The following RYR1 variants were observed in gnomAD, a reference collection of about 807,000 sequenced individuals.
The protein encoded by RYR1 is ryanodine receptor 1, also known as central core disease of muscle.
A neutral mutation model predicts 583.5 loss-of-function variants in RYR1; 342 were observed. The observed-to-expected ratio is 0.59, with a 90% confidence interval of 0.54 to 0.64. RYR1 has a LOEUF of 0.64. Ranked by LOEUF, RYR1 falls within the 30% of genes least tolerant of loss-of-function variation. The pLI is 0.00. For synonymous variants in RYR1, 2,791 were observed against 2,822.5 expected, an observed-to-expected ratio of 0.99 and a Z score of 0.35; for missense variants, 6,032 against 6,917.2, an observed-to-expected ratio of 0.87 and a Z score of 4.54.
At chr19:38,523,502 C>T (rs905621407) in intron 69 of RYR1, 193 bp downstream of exon 69, 7 of 644,980 alleles carry the variant, frequency 1.1e-5, no homozygotes, top group Admixed American at 2.3e-5. Flanking sequence ...CTTCTCCCTC[C>T]TCCCATCTCC....
intron 9 of RYR1, 104 bp downstream of exon 9, chr19:38,446,872 G>T: frequency 1.1e-6 from 1 of 874,150 alleles, no homozygotes; most frequent in Non-Finnish European, 1.8e-6. Flanking sequence ...AGAGACTGAA[G>T]GGTCTCGAGG....
At chr19:38,547,165 G>T (rs117044521) in intron 88 of RYR1, among the ~76,000 whole-genome samples, 5 of 149,870 alleles carry the variant, frequency 3.3e-5, no homozygotes, top group African/African-American at 1.2e-4. Flanking sequence ...TGGCCTCCCC[G>T]GTAGCTGGGA....
chr19:38,557,498 C>T (rs1391634182), intron 89 of RYR1, among the ~76,000 whole-genome samples: 2 of 152,182 alleles, frequency 1.3e-5, no homozygotes, highest in Non-Finnish European at 2.9e-5. Flanking sequence ...GACAGCGAAG[C>T]TGAGAGTTGA....
chr19:38,532,493 A>G lies in RYR1; in HGVS notation c.11145A>G (p.Lys3715=). The part of the protein sequence containing the change: ...FSRTALTEKS[K]LDEDYLYMAY... Reference sequence around the variant, plus strand: ...ACTCCCCTGCTTACTTCCCCAGCAAACTGGATGAGGATTACCTGTACATGG... The same window carrying G: ...ACTCCCCTGCTTACTTCCCCAGCAAGCTGGATGAGGATTACCTGTACATGG... The change falls in exon 77 of 106, where the codon AAA becomes AAG. Residue 3715 remains lysine, a synonymous_variant. Transcript: ENST00000359596. The G allele has an allele frequency of 6.2e-7, 1 of 1,614,024 alleles. No homozygotes were observed. Among genetic ancestry groups the G allele is most frequent in the Non-Finnish European group, 8.5e-7 (1 of 1,180,018 alleles).
At position 38,584,942 on chromosome 19, in the gene RYR1, G is replaced by C. The variant is rs1051716078; in HGVS notation, c.14647-1G>C. 1.2e-6 allele frequency: 2 copies of C among 1,613,866 alleles called. No individual in the cohort carries two copies. Among genetic ancestry groups the C allele is most frequent in the East Asian group, 4.5e-5 (2 of 44,832 alleles). On this transcript the variant is annotated splice_acceptor_variant, in intron 101 of 105. Coordinates refer to ENST00000359596, the MANE Select transcript of RYR1 (RefSeq NM_000540.3). LOFTEE classifies it high-confidence loss of function. ...GTGACCAGTGTGCTCCCCTCCCTCAGTGTTACCTGTTTCACATGTACGTGG... is the reference window on the plus strand; with the variant it reads ...GTGACCAGTGTGCTCCCCTCCCTCACTGTTACCTGTTTCACATGTACGTGG...
intron 93 of RYR1, among the ~76,000 whole-genome samples, chr19:38,569,057 T>C (rs2907613): frequency 0.21 from 32,343 of 151,490 alleles, 4,610 homozygotes; most frequent in African/African-American, 0.4. Context: ...GTTGCCCAGG[T>C]TGGAGTGCAG....
chr19:38,463,778 G>A lies in RYR1; in HGVS notation c.2714G>A (p.Cys905Tyr). ...VRDDNKRLHPCLVDFHSLPEP... is the reference protein window; with the variant it reads ...VRDDNKRLHPYLVDFHSLPEP... ...GATGACAACAAGAGGCTGCACCCGT[G>A]TCTTGTGGACTTCCACAGCCTTCCA... Residue 905 changes from cysteine (C) to tyrosine (Y), a missense_variant, in exon 22 of 106, where the codon TGT (cysteine) becomes TAT (tyrosine). Transcript: ENST00000359596. 2 of 1,614,132 alleles carry A rather than the reference G, an allele frequency of 1.2e-6. No homozygotes were observed. Among genetic ancestry groups the A allele is most frequent in the Non-Finnish European group, 1.7e-6 (2 of 1,180,020 alleles).
intron 16 of RYR1, among the ~76,000 whole-genome samples, chr19:38,456,431 G>A (rs1342284684): frequency 6.7e-6 from 1 of 148,450 alleles, no homozygotes; most frequent in Non-Finnish European, 1.5e-5. Context: ...ACAGGTGCCC[G>A]CCACCACGCC....
chr19:38,479,040 T>C (rs1968886206), intron 31 of RYR1, among the ~76,000 whole-genome samples: 1 of 152,208 alleles, frequency 6.6e-6, no homozygotes. Flanking sequence ...AGTGCTGGGA[T>C]TACAGGCGTG....
At chr19:38,548,142 G>T in intron 88 of RYR1, 91 bp from the exon 89 acceptor site, 1 of 1,396,242 alleles carries the variant, frequency 7.2e-7, no homozygotes, top group South Asian at 1.2e-5. Flanking sequence ...CTCCAGCAGC[G>T]TGGTGGCTCC....
chr19:38,534,774 C>T lies in RYR1; in HGVS notation c.11314C>T (p.Arg3772Trp), dbSNP rs763112609. Residue 3772 changes from arginine (R) to tryptophan (W), a missense_variant, in exon 79 of 106, where the codon CGG becomes TGG. By Grantham distance (101) the Arg-to-Trp change is moderately radical. Around this residue, in one of 11 missense-constraint regions of RYR1, gnomAD observed 1,493 missense variants for 1,715.5 expected, o/e 0.87. Transcript: ENST00000359596. Reference protein sequence around the residue: ...LLYQQARLHTRGAAEMVLQMI... With the variant: ...LLYQQARLHTWGAAEMVLQMI... ...GTACCAGCAAGCACGGCTGCACACC[C>T]GGGGGGCGGCCGAGATGGTGCTGCA... 5.6e-6 allele frequency: 9 copies of T among 1,613,760 alleles called. No homozygotes were observed. Among genetic ancestry groups the T allele is most frequent in the Admixed American group, 1.7e-5 (1 of 59,982 alleles).
At position 38,473,421 on chromosome 19, in the gene RYR1, C is replaced by T. The variant is rs202133565; in HGVS notation, c.3810C>T (p.Arg1270=). 6.2e-7 allele frequency: 1 copy of T among 1,613,940 alleles called. No homozygotes were observed. Among genetic ancestry groups the T allele is most frequent in the Non-Finnish European group, 8.5e-7 (1 of 1,179,976 alleles). The stretch of plus-strand genomic sequence containing the variant: ...CTGTGGACACGCCCCCCTGCCTGCG[C>T]CTGACCCACCGCACCTGGGGCTCCC... ...DGTVDTPPCL[R]LTHRTWGSQN... is the part of the protein sequence containing the mutation. Residue 1270 remains arginine (R), a synonymous_variant, in exon 28 of 106, where the codon CGC becomes CGT. Coordinates refer to ENST00000359596, the MANE Select transcript of RYR1 (RefSeq NM_000540.3).
chr19:38,570,702 C>A lies in RYR1; in HGVS notation c.13746+9C>A, dbSNP rs749233889. The A allele has an allele frequency of 3.1e-6, 5 of 1,610,524 alleles. No individual in the cohort carries two copies. Among genetic ancestry groups the A allele is most frequent in the Non-Finnish European group, 4.2e-6 (5 of 1,177,064 alleles). ...TCTTGCTGTTTTATAAGGTGCTGGT[C>A]CTGAAGGGCTGGGAGGGTCAGGCCC... On this transcript the variant is annotated intron_variant, in intron 94 of 105. Coordinates refer to ENST00000359596, the MANE Select transcript of RYR1 (RefSeq NM_000540.3).
intron 99 of RYR1, 99 bp from the exon 100 acceptor site, chr19:38,579,882 AC>A: frequency 6.6e-7 from 1 of 1,524,642 alleles, no homozygotes. Flanking sequence ...CTGGCACCCG[AC>A]CCCCAGGGCA....
At chr19:38,559,874 A>T (rs1377525364) in intron 89 of RYR1, among the ~76,000 whole-genome samples, 2 of 152,034 alleles carry the variant, frequency 1.3e-5, no homozygotes, top group Non-Finnish European at 2.9e-5. Flanking sequence ...AATAAAATAG[A>T]ACACTGCAGA....
chr19:38,575,869 C>T (rs1365206985), intron 96 of RYR1, 50 bp from the exon 97 acceptor site: 2 of 1,600,118 alleles, frequency 1.2e-6, no homozygotes, highest in African/African-American at 1.3e-5. Flanking sequence ...AGCTCTGATC[C>T]CTCTGGCCCT....
rs777783994 is a variant in RYR1, at chr19:38,565,382, G to T, written c.13048G>T (p.Ala4350Ser). ...VTRAGAAGAGAAAGALGLLWG... is the reference protein window; with the variant it reads ...VTRAGAAGAGSAAGALGLLWG... ...GCGCGCTGGGGCCGCTGGCGCGGGG[G>T]CGGCGGCGGGCGCGCTGGGCCTGCT... The change falls in exon 91 of 106, where the codon GCG becomes TCG. Residue 4350 changes from alanine (A) to serine (S), a missense_variant. Physicochemically the swap from Ala to Ser is moderately conservative, Grantham distance 99. Around this residue, in one of 11 missense-constraint regions of RYR1, gnomAD observed 753 missense variants for 759.6 expected, o/e 0.99. Coordinates refer to ENST00000359596, the MANE Select transcript of RYR1 (RefSeq NM_000540.3). The surrounding 1 kb of genome is among the most constrained non-coding windows in gnomAD (Gnocchi z 4.7). 2 of 1,348,916 alleles carry T rather than the reference G, an allele frequency of 1.5e-6. No homozygotes were observed. Among genetic ancestry groups the T allele is most frequent in the Non-Finnish European group, 1.9e-6 (2 of 1,059,550 alleles). 83.6% of individuals were successfully genotyped at this position (1,348,916 alleles called of 1,614,324 possible).
chr19:38,478,662 T>G, intron 31 of RYR1, 62 bp downstream of exon 31: 4 of 1,565,428 alleles, frequency 2.6e-6, no homozygotes, highest in Non-Finnish European at 3.5e-6. Context: ...GGACAGCTCT[T>G]ATAGATGTCC....
chr19:38,565,829 G>A lies in RYR1; in HGVS notation c.13437+58G>A. The stretch of plus-strand genomic sequence containing the variant: ...AAAGATGGGGGATTGGAGGGAGGAA[G>A]AGAGCCCGGCTGGGTGGAGACACAC... On this transcript the variant is annotated intron_variant, in intron 91 of 105. Transcript: ENST00000359596. This position sits in a 1 kb window ranked among gnomAD's most constrained non-coding sequence, Gnocchi z 4.7. 1 of 1,357,830 alleles carries A rather than the reference G, an allele frequency of 7.4e-7. No homozygotes were observed. Among genetic ancestry groups the A allele is most frequent in the Non-Finnish European group, 9.4e-7 (1 of 1,061,694 alleles). The allele number at this position is 1,357,830 out of a possible 1,614,324, so 84.1% of individuals were successfully genotyped here. A position where few individuals can be genotyped will look rare whatever the true frequency, so the allele number is the denominator to read the frequency against.
Sources: allele counts gnomAD v4.1 joint callset (sites outside exome capture counted in the v4.1 genomes callset), GRCh38; gene constraint gnomAD v4.1.1; regional missense constraint gnomAD v4.1.1; non-coding constraint Gnocchi (gnomAD v3.1); transcripts MANE v1.5; gene names NCBI Gene and HGNC (gene_info 2026-07-23, HGNC 2026-07-21).